The following GAL3ST2 variants were observed in gnomAD, a reference collection of about 807,000 sequenced individuals.
GAL3ST2 encodes the protein beta-galactose-3-O-sulfotransferase 2.
GAL3ST2 carries 16 observed loss-of-function variants against 12.9 expected under a neutral mutation model. That is an observed-to-expected ratio of 1.24 (90% CI 0.84 to 1.88). The LOEUF is 1.88. Among genes scored for constraint, GAL3ST2 ranks in the 40% most tolerant of loss-of-function variants. GAL3ST2 has a pLI of 0.00. For synonymous variants in GAL3ST2, 302 were observed against 273.9 expected (o/e 1.10, Z -1.01); for missense variants, 639 against 571.8 (o/e 1.12, Z -1.20).
intron 1 of GAL3ST2, among the ~76,000 whole-genome samples, chr2:241,781,666 C>T (rs1424802374): frequency 2.6e-5 from 4 of 152,168 alleles, no homozygotes; most frequent in African/African-American, 7.2e-5. Context: ...ATACCAATAA[C>T]ATATTTATAC....
intron 1 of GAL3ST2, among the ~76,000 whole-genome samples, chr2:241,787,436 A>G (rs1699640127): frequency 6.6e-6 from 1 of 152,140 alleles, no homozygotes; most frequent in African/African-American, 2.4e-5. Flanking sequence ...GGCTCAAATC[A>G]ATAGGATAAT....
At chr2:241,787,052 T>C (rs1699635189) in intron 1 of GAL3ST2, among the ~76,000 whole-genome samples, 1 of 152,170 alleles carries the variant, frequency 6.6e-6, no homozygotes, top group African/African-American at 2.4e-5. Context: ...CTCAAAAGAA[T>C]GCAACTGTTT....
Position 241,793,365 on chromosome 2 carries a change from GTGTA to G in GAL3ST2, c.30-5690_30-5687del, listed in dbSNP as rs1010832714. On this transcript the variant is annotated intron_variant, in intron 1 of 3. Transcript: ENST00000192314. The surrounding 1 kb of genome is among the most constrained non-coding windows in gnomAD (Gnocchi z 4.7). ...CTGTATGTATGTGTGTGTATTGTGT[GTGTA>G]TGTATGTATTGTGTATGCATGTGTG... 3.9e-4 allele frequency among the ~76,000 whole-genome samples: 59 copies of G among 152,124 alleles called. No homozygotes were observed. The highest frequency in any genetic ancestry group is 3.3e-3 in the East Asian group (17 of 5,172).
In GAL3ST2 at chr2:241,799,140, A is replaced by T; in HGVS notation, c.105A>T (p.Leu35Phe). Reference protein sequence around the residue: ...LLLAGFLHSDLELDTPLFGGQ... With the variant: ...LLLAGFLHSDFELDTPLFGGQ... ...TGGCCGGATTCCTGCACTCGGACTTAGAGCTGGACACACCGTAAGTCCTGC... is the reference window on the plus strand; with the variant it reads ...TGGCCGGATTCCTGCACTCGGACTTTGAGCTGGACACACCGTAAGTCCTGC... Residue 35 changes from leucine to phenylalanine, a missense_variant, in exon 2 of 4, where the codon TTA becomes TTT. Physicochemically the swap from Leu to Phe is conservative, Grantham distance 22. Transcript: ENST00000192314. 1 of 1,613,670 alleles carries T rather than the reference A, an allele frequency of 6.2e-7. No individual in the cohort carries two copies.
At chr2:241,778,976 T>TG (rs1440133970) in intron 1 of GAL3ST2, among the ~76,000 whole-genome samples, 1 of 152,060 alleles carries the variant, frequency 6.6e-6, no homozygotes, top group Non-Finnish European at 1.5e-5. Context: ...TTGAATACAA[T>TG]GGGGGGCAGG....
Position 241,803,830 on chromosome 2 carries a change from C to T in GAL3ST2, c.861C>T (p.Asn287=). 6.7e-7 allele frequency: 1 copy of T among 1,488,396 alleles called. No homozygotes were observed. Among genetic ancestry groups the T allele is most frequent in the Non-Finnish European group, 8.9e-7 (1 of 1,127,584 alleles). The allele number at this position is 1,488,396 out of a possible 1,614,324, so 92.2% of individuals were successfully genotyped here. The change falls in exon 4 of 4, where the codon AAC becomes AAT. Residue 287 remains asparagine, a synonymous_variant. Coordinates refer to ENST00000192314, the MANE Select transcript of GAL3ST2 (RefSeq NM_022134.3). The part of the protein sequence containing the change: ...ALDWRLYEHF[N]RTLWAQLRAE... ...ACTGGCGCCTGTACGAGCATTTCAA[C>T]CGCACCCTCTGGGCGCAGCTGCGCG...
intron 1 of GAL3ST2, among the ~76,000 whole-genome samples, chr2:241,778,527 C>G (rs572217436): frequency 2.0e-5 from 3 of 152,174 alleles, no homozygotes; most frequent in Non-Finnish European, 4.4e-5. Flanking sequence ...GGCCAGGTAT[C>G]TTTGGGGAGG....
Position 241,804,021 on chromosome 2 carries a change from G to T in GAL3ST2, c.1052G>T (p.Gly351Val). ...CAGTCCGGCAAGGCCGACATCCTGG[G>T]TTACAACCTCCGGCCGGGCCTGGAC... ...PYQSGKADIL[G>V]YNLRPGLDNQ... Residue 351 changes from glycine to valine, a missense_variant, in exon 4 of 4, where the codon GGT becomes GTT. Transcript: ENST00000192314. The T allele has an allele frequency of 6.4e-7, 1 of 1,568,374 alleles. No individual in the cohort carries two copies. Among genetic ancestry groups the T allele is most frequent in the African/African-American group, 1.4e-5 (1 of 72,734 alleles).
At chr2:241,798,328 A>G (rs1197362056) in intron 1 of GAL3ST2, among the ~76,000 whole-genome samples, 5 of 152,220 alleles carry the variant, frequency 3.3e-5, no homozygotes, top group Non-Finnish European at 4.4e-5. Flanking sequence ...TGGCCCCAGC[A>G]GCAGACATGT....
Position 241,799,064 on chromosome 2 carries a change from G to T in GAL3ST2, c.30-1G>T. ...GCACTCATGGCCTGCCCTTTCCACA[G>T]ATACTTCCGGGTCATCCTCCTCCTC... On this transcript the variant is annotated splice_acceptor_variant, in intron 1 of 3. Coordinates refer to ENST00000192314, the MANE Select transcript of GAL3ST2 (RefSeq NM_022134.3). LOFTEE classifies it high-confidence loss of function. 1 of 1,613,254 alleles carries T rather than the reference G, an allele frequency of 6.2e-7. No individual in the cohort carries two copies. The highest frequency in any genetic ancestry group is 8.5e-7 in the Non-Finnish European group (1 of 1,179,860).
At position 241,803,301 on chromosome 2, in the gene GAL3ST2, G is replaced by A. The variant is rs1395324460; in HGVS notation, c.376-44G>A. 2.7e-6 allele frequency: 4 copies of A among 1,509,318 alleles called. No individual in the cohort carries two copies. In the African/African-American group the frequency reaches 5.5e-5, roughly 21 times the overall value. 93.5% of individuals were successfully genotyped at this position (1,509,318 alleles called of 1,614,324 possible). On this transcript the variant is annotated intron_variant, in intron 3 of 3. Transcript: ENST00000192314. The stretch of plus-strand genomic sequence containing the variant: ...TCCTCCCCGCGGGTGGGCCACCCTG[G>A]CCTGGGCCCGCGGTCCGCAGCCCGC...
intron 1 of GAL3ST2, 36 bp from the exon 2 acceptor site, chr2:241,799,029 C>T: frequency 1.9e-6 from 3 of 1,570,010 alleles, no homozygotes; most frequent in Non-Finnish European, 2.6e-6. Context: ...GCTGGCACGA[C>T]CCGGACTGGG....
chr2:241,792,888 C>A (rs1252221648), intron 1 of GAL3ST2, among the ~76,000 whole-genome samples: 1 of 152,198 alleles, frequency 6.6e-6, no homozygotes, highest in Non-Finnish European at 1.5e-5. Context: ...AAATGTGTAT[C>A]TGACTGCCTC....
intron 2 of GAL3ST2, 70 bp downstream of exon 2, chr2:241,799,224 C>G (rs1367680954): frequency 1.2e-5 from 17 of 1,361,384 alleles, no homozygotes; most frequent in Non-Finnish European, 1.6e-5. Flanking sequence ...GAGCCTGGGA[C>G]CCCAGCATGA....
chr2:241,801,712 G>A lies in GAL3ST2; in HGVS notation c.120-69G>A. The A allele has an allele frequency of 6.4e-7, 1 of 1,553,784 alleles. No homozygotes were observed. Among genetic ancestry groups the A allele is most frequent in the South Asian group, 1.2e-5 (1 of 82,168 alleles). On this transcript the variant is annotated intron_variant, in intron 2 of 3. Coordinates refer to ENST00000192314, the MANE Select transcript of GAL3ST2 (RefSeq NM_022134.3). This position sits in a 1 kb window ranked among gnomAD's most constrained non-coding sequence, Gnocchi z 4.4. ...TCTCTCCTTGCGGTTGCCGGGCTGGGGGTCGCTGTTGGGCGGGGGTTGGGG... is the reference window on the plus strand; with the variant it reads ...TCTCTCCTTGCGGTTGCCGGGCTGGAGGTCGCTGTTGGGCGGGGGTTGGGG...
intron 1 of GAL3ST2, among the ~76,000 whole-genome samples, chr2:241,783,205 A>G (rs1385026808): frequency 6.6e-6 from 1 of 152,036 alleles, no homozygotes; most frequent in African/African-American, 2.4e-5. Flanking sequence ...CCAAAACTTA[A>G]TAATAATATG....
intron 1 of GAL3ST2, among the ~76,000 whole-genome samples, chr2:241,790,449 C>T (rs778489112): frequency 1.4e-4 from 21 of 152,120 alleles, no homozygotes; most frequent in Non-Finnish European, 2.6e-4. Context: ...CAGTATACTC[C>T]TATGAACAAA....
chr2:241,777,088 C>A (rs750664854), intron 1 of GAL3ST2, 104 bp downstream of exon 1: 3 of 1,055,252 alleles, frequency 2.8e-6, no homozygotes, highest in Non-Finnish European at 2.5e-6. Flanking sequence ...AAGGAAGTGA[C>A]TTGGATTTGG....
intron 1 of GAL3ST2, among the ~76,000 whole-genome samples, chr2:241,784,637 CAATT>C (rs1185451060): frequency 6.6e-6 from 1 of 151,904 alleles, no homozygotes; most frequent in Non-Finnish European, 1.5e-5. Context: ...TTTTTTAAGC[CAATT>C]AATTGAGCTC....
Sources: allele counts gnomAD v4.1 joint callset (sites outside exome capture counted in the v4.1 genomes callset), GRCh38; gene constraint gnomAD v4.1.1; non-coding constraint Gnocchi (gnomAD v3.1); transcripts MANE v1.5; gene names NCBI Gene and HGNC (gene_info 2026-07-23, HGNC 2026-07-21).